The following CTBP2 variants were observed in gnomAD, a reference collection of about 807,000 sequenced individuals.
CTBP2 encodes C-terminal-binding protein 2.
In CTBP2, 30 loss-of-function variants were observed where a neutral mutation model predicts 80.3. The observed-to-expected ratio is 0.37, with a 90% CI of 0.28 to 0.51. The LOEUF is 0.51. CTBP2 is among the 20% of genes least tolerant of loss of function. The pLI is 0.93. For synonymous variants in CTBP2, 594 were observed against 587.4 expected, an observed-to-expected ratio of 1.01 and a Z score of -0.16; for missense variants, 1,212 against 1,375.3, an observed-to-expected ratio of 0.88 and a Z score of 1.88.
At chr10:125,013,631 C>T (rs1180309370) in intron 1 of CTBP2, among the ~76,000 whole-genome samples, 6 of 152,218 alleles carry the variant, frequency 3.9e-5, no homozygotes, top group Admixed American at 2.6e-4. Flanking sequence ...ACTTCTCTTG[C>T]ACCCTCCACA....
chr10:125,024,317 A>G (rs991516036), intron 1 of CTBP2, among the ~76,000 whole-genome samples: 5 of 152,228 alleles, frequency 3.3e-5, no homozygotes, highest in Non-Finnish European at 7.3e-5. Flanking sequence ...ATCATTTAAC[A>G]GAGACATTTG....
intron 1 of CTBP2, among the ~76,000 whole-genome samples, chr10:125,116,192 C>T (rs551855492): frequency 3.9e-5 from 6 of 152,202 alleles, no homozygotes; most frequent in South Asian, 4.1e-4. Flanking sequence ...CCCAAACCAC[C>T]GAATGACTGT....
intron 1 of CTBP2, among the ~76,000 whole-genome samples, chr10:125,145,644 G>A (rs1359756886): frequency 2.6e-5 from 4 of 152,048 alleles, no homozygotes; most frequent in East Asian, 1.9e-4. Context: ...TGACATTCAC[G>A]CCACCATAAC....
At chr10:125,112,621 G>T (rs1325897996) in intron 1 of CTBP2, among the ~76,000 whole-genome samples, 1 of 151,004 alleles carries the variant, frequency 6.6e-6, no homozygotes, top group Non-Finnish European at 1.5e-5. Context: ...TATAGACGAG[G>T]TTTCACCATG....
intron 2 of CTBP2, among the ~76,000 whole-genome samples, chr10:125,108,816 T>C (rs527788318): frequency 4.6e-5 from 7 of 152,356 alleles, no homozygotes; most frequent in African/African-American, 1.7e-4. Flanking sequence ...CATGCTCCAG[T>C]GATGGCCAGC....
At chr10:125,052,660 A>C (rs1280730391) in intron 2 of CTBP2, among the ~76,000 whole-genome samples, 2 of 152,218 alleles carry the variant, frequency 1.3e-5, no homozygotes, top group African/African-American at 4.8e-5. Context: ...TCCAGCAGCA[A>C]ACGGATGGTG....
At chr10:125,152,077 C>T (rs1860053062) in intron 1 of CTBP2, among the ~76,000 whole-genome samples, 1 of 151,328 alleles carries the variant, frequency 6.6e-6, no homozygotes, top group Admixed American at 6.6e-5. Flanking sequence ...CGCCAAGTGC[C>T]CTGCGGGGGG....
intron 2 of CTBP2, among the ~76,000 whole-genome samples, chr10:125,062,142 G>A (rs1283308840): frequency 2.6e-5 from 4 of 152,126 alleles, no homozygotes; most frequent in African/African-American, 4.8e-5. Flanking sequence ...AGAACCCAGC[G>A]GACTCAAAAC....
At chr10:125,018,560 CAAACAAACAAACA>C (rs1554969018) in intron 1 of CTBP2, among the ~76,000 whole-genome samples, 13 of 132,160 alleles carry the variant, frequency 9.8e-5, no homozygotes, top group East Asian at 2.0e-4. Flanking sequence ...AACCAACAAA[CAAACAAACAAACA>C]AACAAACAAA....
At chr10:124,993,767 G>A in intron 6 of CTBP2, 88 bp downstream of exon 8, 4 of 1,476,292 alleles carry the variant, frequency 2.7e-6, no homozygotes, top group Non-Finnish European at 1.8e-6. Context: ...GGACCTGTTT[G>A]GGAAAAGGGC....
At chr10:125,139,317 C>A (rs530991694) in intron 1 of CTBP2, among the ~76,000 whole-genome samples, 4 of 143,712 alleles carry the variant, frequency 2.8e-5, no homozygotes, top group South Asian at 2.2e-4. Context: ...TCCAGTGAGC[C>A]GAGATTGCAC....
intron 3 of CTBP2, among the ~76,000 whole-genome samples, chr10:125,033,400 CTTTA>C (rs1958475475): frequency 6.6e-6 from 1 of 152,194 alleles, no homozygotes; most frequent in South Asian, 2.1e-4. Flanking sequence ...GGTGCCTGAG[CTTTA>C]GTAGCAAGCG....
chr10:125,122,200 G>A (rs1854440410), intron 1 of CTBP2, among the ~76,000 whole-genome samples: 1 of 152,204 alleles, frequency 6.6e-6, no homozygotes, highest in East Asian at 1.9e-4. Flanking sequence ...ACTTACACAC[G>A]TATGTAACTG....
intron 1 of CTBP2, among the ~76,000 whole-genome samples, chr10:125,134,928 C>G (rs1462176326): frequency 7.4e-5 from 11 of 147,990 alleles, no homozygotes; most frequent in Non-Finnish European, 1.3e-4. Flanking sequence ...CTCAATAATA[C>G]TAAAACCCAC....
chr10:125,099,081 C>T (rs566005871), intron 2 of CTBP2, among the ~76,000 whole-genome samples: 8 of 152,300 alleles, frequency 5.3e-5, no homozygotes, highest in East Asian at 1.9e-4. Context: ...TACTAGCACA[C>T]GGTCAGGCAC....
At chr10:125,125,597 T>A (rs1564980325) in intron 1 of CTBP2, among the ~76,000 whole-genome samples, 2 of 152,174 alleles carry the variant, frequency 1.3e-5, no homozygotes, top group African/African-American at 2.4e-5. Context: ...TCCGAGTGAG[T>A]TAAGCATGGG....
upstream of CTBP2, among the ~76,000 whole-genome samples, chr10:125,161,735 C>T (rs1479269358): frequency 3.3e-5 from 5 of 152,138 alleles, no homozygotes; most frequent in Non-Finnish European, 7.4e-5. Context: ...AAAAGGTTCC[C>T]TCTTGCTGCC....
chr10:125,011,870 C>G (rs1481509332), intron 1 of CTBP2, among the ~76,000 whole-genome samples: 2 of 152,182 alleles, frequency 1.3e-5, no homozygotes, highest in Non-Finnish European at 2.9e-5. Flanking sequence ...TTTTGGAAGC[C>G]CAGACACCGT....
chr10:125,030,244 T>G (rs530042336), upstream of CTBP2, among the ~76,000 whole-genome samples: 1 of 152,276 alleles, frequency 6.6e-6, no homozygotes, highest in East Asian at 1.9e-4. Context: ...TGGGACCCAT[T>G]AGAGTAATAC....
Sources: gnomAD v4.1 joint callset for allele counts (sites outside exome capture counted in the v4.1 genomes callset) on GRCh38, gnomAD v4.1.1 for gene constraint, MANE v1.5 for transcripts, NCBI Gene and HGNC (gene_info 2026-07-23, HGNC 2026-07-21) for gene names.